The following DMD variants were observed in gnomAD, a reference collection of about 807,000 sequenced individuals.
DMD encodes the protein mutant dystrophin.
In DMD, 63 loss-of-function variants were observed where a neutral mutation model predicts 330.1. That is an observed-to-expected ratio of 0.19 (90% CI 0.16 to 0.24). DMD has a LOEUF of 0.24. Ranked by LOEUF, DMD falls within the 10% of genes least tolerant of loss-of-function variation. The pLI, the probability that DMD is intolerant of heterozygous loss-of-function variation, is 1.00. For synonymous variants in DMD, 1,223 were observed against 959.8 expected, an observed-to-expected ratio of 1.27 and a Z score of -5.07; for missense variants, 3,344 against 2,684.1, an observed-to-expected ratio of 1.25 and a Z score of -5.43.
At chrX:31,813,010 C>T (rs1430568559) in intron 50 of DMD, among the ~76,000 whole-genome samples, 1 of 111,940 alleles carries the variant, frequency 8.9e-6, no homozygotes, top group African/African-American at 3.2e-5. Flanking sequence ...GAAGATAGAG[C>T]TGCAGAGCTG....
At chrX:32,630,434 G>A (rs2058655332) in intron 11 of DMD, among the ~76,000 whole-genome samples, 1 of 109,092 alleles carries the variant, frequency 9.2e-6, no homozygotes, top group Non-Finnish European at 1.9e-5. Context: ...TATCTCCTTG[G>A]TGTTCTATTA....
chrX:31,508,788 T>C (rs879145551), intron 55 of DMD, among the ~76,000 whole-genome samples: 4 of 111,041 alleles, frequency 3.6e-5, no homozygotes, highest in Non-Finnish European at 7.6e-5. Context: ...AGTTTTTTTT[T>C]TCTCTCTCTC....
intron 7 of DMD, among the ~76,000 whole-genome samples, chrX:32,734,203 G>C (rs1207755959): frequency 3.7e-5 from 4 of 108,020 alleles, no homozygotes; most frequent in African/African-American, 7.0e-5. Context: ...ACTCTCCCAA[G>C]ACTAAACCAG....
intron 55 of DMD, among the ~76,000 whole-genome samples, chrX:31,510,506 C>CTTTTTTT (rs756448666): frequency 5.9e-5 from 5 of 84,498 alleles, no homozygotes; most frequent in African/African-American, 1.4e-4. Context: ...TCTGACTGCT[C>CTTTTTTT]TTTTTTTTTT....
chrX:32,262,134 A>G (rs757376665), intron 43 of DMD, among the ~76,000 whole-genome samples: 2 of 111,923 alleles, frequency 1.8e-5, no homozygotes, highest in South Asian at 7.4e-4. Context: ...CCCATAAACT[A>G]GTATCGGAAT....
chrX:33,325,727 A>ACCAT (rs958458983), intron 1 of DMD, among the ~76,000 whole-genome samples: 2 of 112,438 alleles, frequency 1.8e-5, no homozygotes, highest in African/African-American at 6.5e-5. Context: ...CTTTACAATA[A>ACCAT]CCATGCTGCA....
intron 1 of DMD, among the ~76,000 whole-genome samples, chrX:33,096,556 A>T (rs4829277): frequency 9.9e-6 from 1 of 101,370 alleles, no homozygotes. Flanking sequence ...CCCAGGCTGG[A>T]GTGCAATGGC....
At chrX:31,297,220 T>C (rs2054257728) in intron 62 of DMD, among the ~76,000 whole-genome samples, 1 of 110,511 alleles carries the variant, frequency 9.0e-6, no homozygotes. Flanking sequence ...TCCCAAAGTT[T>C]AGTGGTAAAC....
intron 42 of DMD, among the ~76,000 whole-genome samples, chrX:32,303,074 T>G (rs1039394097): frequency 2.7e-5 from 3 of 111,888 alleles, no homozygotes; most frequent in African/African-American, 9.7e-5. Context: ...GTCACACATT[T>G]TCATAAATGA....
intron 60 of DMD, among the ~76,000 whole-genome samples, chrX:31,442,511 A>G (rs142785454): frequency 3.6e-5 from 4 of 110,139 alleles, no homozygotes; most frequent in African/African-American, 9.9e-5. Context: ...ATGCAAATAA[A>G]TAGTGCAACT....
intron 46 of DMD, 62 bp from the exon 47 acceptor site, chrX:31,929,807 C>A: frequency 8.5e-7 from 1 of 1,172,274 alleles, no homozygotes; most frequent in Non-Finnish European, 1.2e-6. Flanking sequence ...ACTACCTTGT[C>A]TTTGCTTCTA....
intron 7 of DMD, among the ~76,000 whole-genome samples, chrX:32,785,467 A>G (rs927927012): frequency 1.8e-5 from 2 of 111,689 alleles, no homozygotes; most frequent in African/African-American, 3.2e-5. Context: ...TACCTTTGCT[A>G]TGTTCTTCAC....
At chrX:33,168,580 T>A (rs2049177628) in intron 1 of DMD, among the ~76,000 whole-genome samples, 1 of 110,672 alleles carries the variant, frequency 9.0e-6, no homozygotes, top group South Asian at 3.7e-4. Context: ...GAGATATTGG[T>A]GTCACATATA....
At chrX:31,543,649 C>A (rs989837581) in intron 55 of DMD, among the ~76,000 whole-genome samples, 1 of 112,071 alleles carries the variant, frequency 8.9e-6, no homozygotes, top group Non-Finnish European at 1.9e-5. Context: ...TAGCTGTTAG[C>A]CTATCTTAGC....
chrX:31,463,325 C>G (rs1019191206), intron 59 of DMD, among the ~76,000 whole-genome samples: 1 of 111,323 alleles, frequency 9.0e-6, no homozygotes, highest in Non-Finnish European at 1.9e-5. Context: ...TTCTTAGGCC[C>G]CATTAAAATG....
rs551888625 is a variant in DMD, at chrX:31,473,135, T to A, written c.8937+4971A>T. 6.8e-4 allele frequency among the ~76,000 whole-genome samples: 73 copies of A among 107,028 alleles called. 1 individual carries two copies. The South Asian group carries it at 0.029, about 42-fold the overall frequency. 92.9% of individuals were successfully genotyped at this position (107,028 alleles called of 115,157 possible). ...ACTTTGGGAGGCCAAGGTGAACGGATCACCTGAGGTCAGAAGTTCGAGACC... is the reference window on the plus strand; with the variant it reads ...ACTTTGGGAGGCCAAGGTGAACGGAACACCTGAGGTCAGAAGTTCGAGACC... On this transcript the variant is annotated intron_variant, in intron 59 of 78. Transcript: ENST00000357033.
intron 44 of DMD, among the ~76,000 whole-genome samples, chrX:32,142,449 A>C (rs970239322): frequency 1.8e-5 from 2 of 112,393 alleles, no homozygotes; most frequent in Admixed American, 1.9e-4. Flanking sequence ...TTTTATCTAC[A>C]CTATCCATCT....
chrX:33,041,599 C>A, intron 1 of DMD: 1 of 1,208,821 alleles, frequency 8.3e-7, no homozygotes, highest in Non-Finnish European at 1.1e-6. Flanking sequence ...AGATTGCCAG[C>A]GCAGGTTGGA....
chrX:31,986,105 T>C (rs1322880503), intron 44 of DMD, among the ~76,000 whole-genome samples: 1 of 111,540 alleles, frequency 9.0e-6, no homozygotes, highest in Non-Finnish European at 1.9e-5. Flanking sequence ...TACAGATTCA[T>C]GTACAAGGAT....
Sources: gnomAD v4.1 joint callset for allele counts (sites outside exome capture counted in the v4.1 genomes callset) on GRCh38, gnomAD v4.1.1 for gene constraint, MANE v1.5 for transcripts, NCBI Gene and HGNC (gene_info 2026-07-23, HGNC 2026-07-21) for gene names.